NAT10: variants seen among roughly 807,000 people sequenced by gnomAD.
NAT10 encodes RNA cytidine acetyltransferase.
Under a neutral mutation model 132.2 loss-of-function variants are expected in NAT10, and 109 were observed. That is an observed-to-expected ratio of 0.82 (90% confidence interval 0.71 to 0.97). The LOEUF is 0.97. Among genes scored for constraint, NAT10 ranks in the 50% least tolerant of loss-of-function variants. The probability of loss-of-function intolerance (pLI) is 0.00; values close to 1 mark genes in which losing one functional copy is unlikely to be tolerated. For synonymous variants in NAT10, 479 were observed against 478.0 expected, an observed-to-expected ratio of 1.00 and a Z score of -0.03; for missense variants, 1,184 against 1,263.4, an observed-to-expected ratio of 0.94 and a Z score of 0.95.
At chr11:34,131,024 A>G in intron 13 of NAT10, 87 bp downstream of exon 13, 1 of 1,558,998 alleles carries the variant, frequency 6.4e-7, no homozygotes, top group Non-Finnish European at 8.7e-7. Flanking sequence ...ACATCATGGG[A>G]AGCACCAAAC....
At chr11:34,106,253 T>G (rs1014861529) in intron 1 of NAT10, 2 of 152,274 alleles carry the variant, frequency 1.3e-5, no homozygotes, top group Non-Finnish European at 2.9e-5. Flanking sequence ...TGTTTGCCAG[T>G]GCACCTAAAA....
At chr11:34,125,929 C>T (rs1295055345) in intron 11 of NAT10, among the ~76,000 whole-genome samples, 3 of 151,662 alleles carry the variant, frequency 2.0e-5, no homozygotes, top group African/African-American at 4.9e-5. Flanking sequence ...TGCAATGAGC[C>T]GAGATCACAC....
At chr11:34,137,233 G>GT (rs1852233730) in intron 21 of NAT10, among the ~76,000 whole-genome samples, 1 of 152,158 alleles carries the variant, frequency 6.6e-6, no homozygotes, top group Non-Finnish European at 1.5e-5. Flanking sequence ...CGACTACACG[G>GT]TGCATGCGTT....
chr11:34,108,307 G>T lies in NAT10; in HGVS notation c.82G>T (p.Val28Leu). 6.2e-7 allele frequency: 1 copy of T among 1,614,166 alleles called. No individual in the cohort carries two copies. Among genetic ancestry groups the T allele is most frequent in the Non-Finnish European group, 8.5e-7 (1 of 1,179,996 alleles). ...TGAGCGGCAAAGATCTCTCTTTGTT[G>T]TAGTTGGGGATCGAGGAAAAGATCA... ...VAERQRSLFV[V>L]VGDRGKDQVV... The change falls in exon 2 of 29, where the codon GTA becomes TTA. Residue 28 changes from valine (V) to leucine (L), a missense_variant. Val to Leu is a conservative substitution (Grantham distance 32). Transcript: ENST00000257829.
chr11:34,111,904 C>A (rs1851700372), intron 3 of NAT10, 148 bp from the exon 4 acceptor site: 1 of 814,576 alleles, frequency 1.2e-6, no homozygotes, highest in African/African-American at 1.7e-5. Context: ...CTCTCCACTG[C>A]CCTCCACCTG....
intron 23 of NAT10, 122 bp downstream of exon 23, chr11:34,139,617 C>T (rs996558284): frequency 3.2e-5 from 26 of 804,778 alleles, no homozygotes; most frequent in Non-Finnish European, 3.9e-5. Flanking sequence ...TGCAGTCACT[C>T]GCTGGTCACC....
chr11:34,140,713 T>G (rs1463050772), intron 24 of NAT10, 141 bp downstream of exon 24: 4 of 1,019,430 alleles, frequency 3.9e-6, no homozygotes, highest in Non-Finnish European at 4.3e-6. Context: ...GCATCCTCAT[T>G]CTACAGGTCA....
intron 27 of NAT10, among the ~76,000 whole-genome samples, chr11:34,142,722 A>G (rs904090621): frequency 6.6e-6 from 1 of 152,138 alleles, no homozygotes; most frequent in African/African-American, 2.4e-5. Context: ...GCTAAAACCA[A>G]CCAAACAAGC....
At chr11:34,140,220 C>T (rs1414596362) in intron 23 of NAT10, among the ~76,000 whole-genome samples, 180 bp from the exon 24 acceptor site, 2 of 152,230 alleles carry the variant, frequency 1.3e-5, no homozygotes, top group African/African-American at 4.8e-5. Flanking sequence ...CACACGTGGC[C>T]TGGAGCCGCC....
intron 6 of NAT10, 41 bp from the exon 7 acceptor site, chr11:34,118,139 T>C: frequency 6.8e-7 from 1 of 1,480,252 alleles, no homozygotes; most frequent in African/African-American, 1.4e-5. Context: ...AGACATTGCA[T>C]GCCCTCCCCA....
chr11:34,127,371 G>A, intron 11 of NAT10, 92 bp from the exon 12 acceptor site: 1 of 1,325,486 alleles, frequency 7.5e-7, no homozygotes, highest in Middle Eastern at 1.9e-4. Context: ...GGGAGAGAGA[G>A]GAAAGAGAAC....
rs758062189 is a variant in NAT10 at position 34,108,788 on chromosome 11, G to A, written c.155G>A (p.Arg52Gln). 9 of 1,613,778 alleles carry A rather than the reference G, an allele frequency of 5.6e-6. No individual in the cohort carries two copies. In the South Asian group the frequency reaches 7.7e-5, roughly 14 times the overall value. ...TTATCCAAAGCAACTGTGAAGGCTC[G>A]GCCTTCAGTGCTGTGGTGTTATAAG... Reference protein sequence around the residue: ...HMLSKATVKARPSVLWCYKKE... With the variant: ...HMLSKATVKAQPSVLWCYKKE... Residue 52 changes from arginine to glutamine, a missense_variant, in exon 3 of 29, where the codon CGG (arginine) becomes CAG (glutamine). Physicochemically the swap from Arg to Gln is conservative, Grantham distance 43. Coordinates refer to ENST00000257829, the MANE Select transcript of NAT10 (RefSeq NM_024662.3).
At chr11:34,127,434 C>T (rs1852015816) in intron 11 of NAT10, 29 bp from the exon 12 acceptor site, 1 of 1,580,358 alleles carries the variant, frequency 6.3e-7, no homozygotes, top group South Asian at 1.1e-5. Flanking sequence ...GTTCACTATG[C>T]TAATAATCTA....
chr11:34,113,010 C>G (rs1218599379), intron 4 of NAT10, among the ~76,000 whole-genome samples: 1 of 152,238 alleles, frequency 6.6e-6, no homozygotes, highest in Non-Finnish European at 1.5e-5. Flanking sequence ...TCCTATACTG[C>G]TGGCTTGCAT....
chr11:34,135,358 G>C (rs1852189696), intron 19 of NAT10, 67 bp downstream of exon 19: 6 of 1,375,476 alleles, frequency 4.4e-6, no homozygotes, highest in Non-Finnish European at 6.2e-6. Context: ...GGTTTTTAGG[G>C]GCATCAACAA....
chr11:34,145,760 G>A (rs1003704200), intron 28 of NAT10, among the ~76,000 whole-genome samples: 3 of 152,136 alleles, frequency 2.0e-5, no homozygotes, highest in African/African-American at 7.2e-5. Flanking sequence ...TCCTTGTGGT[G>A]CCTTAGGTCT....
chr11:34,142,286 A>C lies in NAT10; in HGVS notation c.2823A>C (p.Ala941=), dbSNP rs1272580820. 2 of 1,614,052 alleles carry C rather than the reference A, an allele frequency of 1.2e-6. No individual in the cohort carries two copies. Among genetic ancestry groups the C allele is most frequent in the Non-Finnish European group, 1.7e-6 (2 of 1,180,032 alleles). The part of the protein sequence containing the change: ...KTLSDDLDEA[A]KEFQEKHKKE... ...GTCCTTAACCACAGGATGAAGCAGC[A>C]AAGGAATTTCAGGAGAAACACAAGA... Residue 941 remains alanine (A), a synonymous_variant, in exon 27 of 29, where the codon GCA becomes GCC. Transcript: ENST00000257829.
At chr11:34,121,874 A>AAC (rs1368568085) in intron 8 of NAT10, among the ~76,000 whole-genome samples, 2 of 148,236 alleles carry the variant, frequency 1.3e-5, no homozygotes, top group Non-Finnish European at 3.0e-5. Context: ...AAAAAAAAAA[A>AAC]AAAAAAAAGG....
chr11:34,130,759 C>T (rs1031120410), intron 12 of NAT10, 54 bp from the exon 13 acceptor site: 25 of 1,608,134 alleles, frequency 1.6e-5, no homozygotes, highest in Admixed American at 1.3e-4. Context: ...TCTGTCCCCT[C>T]CTAGACAGTG....
Sources: allele counts gnomAD v4.1 joint callset (sites outside exome capture counted in the v4.1 genomes callset), GRCh38; gene constraint gnomAD v4.1.1; transcripts MANE v1.5; gene names NCBI Gene and HGNC (gene_info 2026-07-23, HGNC 2026-07-21).